Variants in PEX19 observed in about 807,000 individuals in gnomAD.
The protein encoded by PEX19 is peroxisomal biogenesis factor 19.
In PEX19, 29 loss-of-function variants were observed where a neutral mutation model predicts 36.3. The ratio of observed to expected loss-of-function variants is 0.80; its 90% confidence interval spans 0.60 to 1.09. The LOEUF is 1.09. PEX19 is among the 50% of genes least tolerant of loss of function. The probability of loss-of-function intolerance (pLI) is 0.00; values close to 1 mark genes in which losing one functional copy is unlikely to be tolerated. For missense variants in PEX19, 396 were observed against 368.1 expected (o/e 1.08, Z -0.62); for synonymous variants, 141 against 135.2 (o/e 1.04, Z -0.30).
In PEX19 at chr1:160,278,381, T is replaced by G; in HGVS notation, c.*1170A>C. The stretch of plus-strand genomic sequence containing the variant: ...AGACTGAGTTGTGGAAGGTGGGTGT[T>G]GATGGAACCCAGCATTACAATATTG... On this transcript the variant is annotated 3_prime_UTR_variant, in exon 8 of 8. Coordinates refer to ENST00000368072, the MANE Select transcript of PEX19 (RefSeq NM_002857.4). 1.5e-6 allele frequency: 1 copy of G among 676,958 alleles called. No homozygotes were observed. Among genetic ancestry groups the G allele is most frequent in the South Asian group, 1.5e-5 (1 of 66,478 alleles). The allele number at this position is 676,958 out of a possible 1,614,324, so 41.9% of individuals were successfully genotyped here.
rs761428198 is a variant in PEX19 at position 160,280,148 on chromosome 1, C to A, written c.693G>T (p.Gln231His). Residue 231 changes from glutamine to histidine, a missense_variant, in exon 6 of 8, where the codon CAG (glutamine) becomes CAT (histidine). Transcript: ENST00000368072. Reference protein sequence around the residue: ...QHSVMCKICEQFEAETPTDSE... With the variant: ...QHSVMCKICEHFEAETPTDSE... The stretch of plus-strand genomic sequence containing the variant: ...TGTCTGTGGGGGTCTCTGCCTCAAA[C>A]TGCTCACATATTTTGCACATGACGC... 2 of 1,614,020 alleles carry A rather than the reference C, an allele frequency of 1.2e-6. No individual in the cohort carries two copies. The highest frequency in any genetic ancestry group is 3.3e-5 in the Admixed American group (2 of 60,016).
rs575532165 is a variant in PEX19 at position 160,282,232 on chromosome 1, T to C, written c.433-32A>G. On this transcript the variant is annotated intron_variant, in intron 4 of 7. Transcript: ENST00000368072. ...AGGACAAGTAAGAGGTGAGCAGGTA[T>C]ACTACCTTCTTGGGATGCTCACCAC... 1.2e-5 allele frequency: 19 copies of C among 1,611,202 alleles called. No homozygotes were observed. In the Admixed American group the frequency reaches 2.2e-4, roughly 18 times the overall value.
In PEX19 at chr1:160,283,044, T is replaced by G; in HGVS notation, c.246A>C (p.Gln82His). 6.2e-7 allele frequency: 1 copy of G among 1,614,170 alleles called. No individual in the cohort carries two copies. The highest frequency in any genetic ancestry group is 8.5e-7 in the Non-Finnish European group (1 of 1,180,036). Residue 82 changes from glutamine to histidine, a missense_variant, in exon 3 of 8, where the codon CAA becomes CAC. Transcript: ENST00000368072. ...TTGCCTTCTCGAACTCCGCAGTGGC[T>G]TGGGAAGCCAGTTCACTGTCGAATA... ...QELFDSELASQATAEFEKAMK... is the reference protein window; with the variant it reads ...QELFDSELASHATAEFEKAMK...
rs1264912537 is a variant in PEX19 at position 160,279,260 on chromosome 1, A to G, written c.*291T>C. The G allele has an allele frequency of 1.7e-6, 1 of 588,066 alleles. No individual in the cohort carries two copies. The allele number at this position is 588,066 out of a possible 1,614,324, so 36.4% of individuals were successfully genotyped here. A position where few individuals can be genotyped will look rare whatever the true frequency, so the allele number is the denominator to read the frequency against. On this transcript the variant is annotated 3_prime_UTR_variant, in exon 8 of 8. Transcript: ENST00000368072. Reference sequence around the variant, plus strand: ...TAACATTATTTTGAGAAAGGAAAGAAAGTGCATGCCCCAAAAGGGATGCCT... The same window carrying G: ...TAACATTATTTTGAGAAAGGAAAGAGAGTGCATGCCCCAAAAGGGATGCCT...
chr1:160,279,734 T>TG, intron 7 of PEX19, 67 bp downstream of exon 7: 2 of 1,550,094 alleles, frequency 1.3e-6, no homozygotes, highest in Admixed American at 3.3e-5. Context: ...GGTGGAATCC[T>TG]GAGAGGTTAA....
At position 160,280,263 on chromosome 1, in the gene PEX19, T is replaced by C. The variant is rs753045868; in HGVS notation, c.595-17A>G. On this transcript the variant is annotated splice_polypyrimidine_tract_variant and intron_variant, in intron 5 of 7. Transcript: ENST00000368072. The stretch of plus-strand genomic sequence containing the variant: ...TTCTGGATACTAAGAAAAGAGAGAA[T>C]GGGTGGAAAAGAATTAAGTGAACAA... The C allele has an allele frequency of 1.2e-5, 20 of 1,608,964 alleles. No individual in the cohort carries two copies. The highest frequency in any genetic ancestry group is 1.7e-4 in the Middle Eastern group (1 of 6,048).
intron 1 of PEX19, among the ~76,000 whole-genome samples, chr1:160,284,637 C>CG (rs1557856035): frequency 2.0e-5 from 3 of 152,124 alleles, no homozygotes; most frequent in African/African-American, 7.2e-5. Context: ...GAAGACAGGA[C>CG]GAGGCACACA....
rs769795801 is a variant in PEX19 at position 160,282,121 on chromosome 1, A to G, written c.512T>C (p.Ile171Thr). ...GMDEGDGEGN[I>T]LPIMQSIMQN... ...CATAATACTCTGCATGATGGGGAGGATGTTCCCTTCCCCATCCCCTTCGTC... is the reference window on the plus strand; with the variant it reads ...CATAATACTCTGCATGATGGGGAGGGTGTTCCCTTCCCCATCCCCTTCGTC... Residue 171 changes from isoleucine (I) to threonine (T), a missense_variant, in exon 5 of 8, where the codon ATC (isoleucine) becomes ACC (threonine). Coordinates refer to ENST00000368072, the MANE Select transcript of PEX19 (RefSeq NM_002857.4). 1.9e-6 allele frequency: 3 copies of G among 1,611,654 alleles called. No homozygotes were observed. Among genetic ancestry groups the G allele is most frequent in the Non-Finnish European group, 2.5e-6 (3 of 1,177,958 alleles).
At chr1:160,284,653 C>A (rs766200525) in intron 1 of PEX19, among the ~76,000 whole-genome samples, 4 of 152,188 alleles carry the variant, frequency 2.6e-5, no homozygotes, top group Non-Finnish European at 5.9e-5. Context: ...ACACAAGGAC[C>A]GGCCACGAGC....
Position 160,277,146 on chromosome 1 carries a change from C to CA in PEX19, c.*2404dup, listed in dbSNP as rs1353173488. On this transcript the variant is annotated 3_prime_UTR_variant, in exon 8 of 8. Transcript: ENST00000368072. ...GGGTCTTCAGAGAGACCGAGGGCCC[C>CA]AAAACAGTGCTACTCAAAGATGATC... 1 of 453,224 alleles carries CA rather than the reference C, an allele frequency of 2.2e-6. No homozygotes were observed. The highest frequency in any genetic ancestry group is 7.0e-5 in the East Asian group (1 of 14,366). 28.1% of individuals were successfully genotyped at this position (453,224 alleles called of 1,614,324 possible). A position where few individuals can be genotyped will look rare whatever the true frequency, so the allele number is the denominator to read the frequency against.
intron 4 of PEX19, 58 bp downstream of exon 4, chr1:160,282,359 C>G (rs1657806469): frequency 4.1e-6 from 6 of 1,470,920 alleles, no homozygotes; most frequent in African/African-American, 1.4e-5. Context: ...TTTTGAGACT[C>G]TGCTGGAGAA....
rs1267029993 is a variant in PEX19, at chr1:160,282,055, T to C, written c.578A>G (p.Lys193Arg). The change falls in exon 5 of 8, where the codon AAG becomes AGG. Residue 193 changes from lysine (K) to arginine (R), a missense_variant. Lys to Arg is a conservative substitution (Grantham distance 26). Coordinates refer to ENST00000368072, the MANE Select transcript of PEX19 (RefSeq NM_002857.4). ...LSKDVLYPSL[K>R]EITEKYPEWL... The stretch of plus-strand genomic sequence containing the variant: ...TTCACAAACCTTTTCTGTGATCTCC[T>C]TCAGTGATGGGTACAGCACATCCTT... 6 of 1,613,910 alleles carry C rather than the reference T, an allele frequency of 3.7e-6. No individual in the cohort carries two copies. Among genetic ancestry groups the C allele is most frequent in the Non-Finnish European group, 5.1e-6 (6 of 1,179,888 alleles).
rs1431023982 is a variant in PEX19 at position 160,283,605 on chromosome 1, G to A, written c.105C>T (p.Ser35=). Residue 35 remains serine (S), a synonymous_variant, in exon 2 of 8, where the codon TCC becomes TCT. Coordinates refer to ENST00000368072, the MANE Select transcript of PEX19 (RefSeq NM_002857.4). ...ALDDFDKAKP[S]PAPPSTTTAP... ...CCGTGGTGGTAGAAGGGGGTGCTGG[G>A]GAGGGTTTGGCTTTATCGAAATCAT... 3 of 1,614,144 alleles carry A rather than the reference G, an allele frequency of 1.9e-6. No homozygotes were observed. Among genetic ancestry groups the A allele is most frequent in the East Asian group, 2.2e-5 (1 of 44,872 alleles).
rs1191494150 is a variant in PEX19 at position 160,278,836 on chromosome 1, G to GA, written c.*714dup. 1 of 454,098 alleles carries GA rather than the reference G, an allele frequency of 2.2e-6. No homozygotes were observed. The highest frequency in any genetic ancestry group is 2.3e-5 in the Admixed American group (1 of 42,570). 28.1% of individuals were successfully genotyped at this position (454,098 alleles called of 1,614,324 possible). A position where few individuals can be genotyped will look rare whatever the true frequency, so the allele number is the denominator to read the frequency against. On this transcript the variant is annotated 3_prime_UTR_variant, in exon 8 of 8. Coordinates refer to ENST00000368072, the MANE Select transcript of PEX19 (RefSeq NM_002857.4). ...GAGGTAAAAGGGAGGATGGGCAGGG[G>GA]ATAGAGGAAGGTCAGGGGCTGGGTT...
At chr1:160,283,387 G>A (rs1657865477) in intron 2 of PEX19, 143 bp downstream of exon 2, 1 of 668,220 alleles carries the variant, frequency 1.5e-6, no homozygotes, top group Non-Finnish European at 2.6e-6. Context: ...ATTTCACAAG[G>A]ACTGAGGCTG....
At chr1:160,283,145 T>C in intron 2 of PEX19, 36 bp from the exon 3 acceptor site, 1 of 1,609,542 alleles carries the variant, frequency 6.2e-7, no homozygotes, top group Middle Eastern at 2.2e-4. Context: ...CGTCTCTTAC[T>C]TAGGACTACA....
chr1:160,279,911 G>A (rs575763061), intron 6 of PEX19, 66 bp from the exon 7 acceptor site: 1 of 1,449,922 alleles, frequency 6.9e-7, no homozygotes, highest in Non-Finnish European at 9.7e-7. Flanking sequence ...GGATCCAGAA[G>A]AGGAATCTAA....
Position 160,285,117 on chromosome 1 carries a change from G to A in PEX19, c.8C>T (p.Ala3Val), listed in dbSNP as rs147805197. The change falls in exon 1 of 8, where the codon GCC (alanine) becomes GTC (valine). Residue 3 changes from alanine (A) to valine (V), a missense_variant. Coordinates refer to ENST00000368072, the MANE Select transcript of PEX19 (RefSeq NM_002857.4). ...CCCGACACTACAGCCTTCCTCAGCG[G>A]CGGCCATCTTGCTACCTCCGACTTG... MA[A>V]AEEGCSVGAE... 6 of 1,613,686 alleles carry A rather than the reference G, an allele frequency of 3.7e-6. No homozygotes were observed. The highest frequency in any genetic ancestry group is 5.1e-6 in the Non-Finnish European group (6 of 1,179,778).
Position 160,277,123 on chromosome 1 carries a change from G to A in PEX19, c.*2428C>T, listed in dbSNP as rs549736389. On this transcript the variant is annotated 3_prime_UTR_variant, in exon 8 of 8. Transcript: ENST00000368072. ...ACAGGTAGGTATCAGTTCTGCTAGG[G>A]TCTTCAGAGAGACCGAGGGCCCCAA... The A allele has an allele frequency of 3.1e-4, 140 of 453,982 alleles. 1 individual carries two copies. The highest frequency in any genetic ancestry group is 2.1e-3 in the South Asian group (136 of 64,478). The allele number at this position is 453,982 out of a possible 1,614,324, so 28.1% of individuals were successfully genotyped here. A position where few individuals can be genotyped will look rare whatever the true frequency, so the allele number is the denominator to read the frequency against.
Sources: gnomAD v4.1 joint callset for allele counts (sites outside exome capture counted in the v4.1 genomes callset) on GRCh38, gnomAD v4.1.1 for gene constraint, MANE v1.5 for transcripts, NCBI Gene and HGNC (gene_info 2026-07-23, HGNC 2026-07-21) for gene names.